The following ANKRD11 variants were observed in gnomAD, a reference collection of about 807,000 sequenced individuals.
ANKRD11 encodes the protein ankyrin repeat domain-containing protein 11.
Under a neutral mutation model 195.7 loss-of-function variants are expected in ANKRD11, and 17 were observed. That is an observed-to-expected ratio of 0.09 (90% CI 0.06 to 0.13). The LOEUF is 0.13. Among genes scored for constraint, ANKRD11 ranks in the 10% least tolerant of loss-of-function variants. The pLI is 1.00. For synonymous variants in ANKRD11, 1,953 were observed against 1,528.1 expected, an observed-to-expected ratio of 1.28 and a Z score of -6.49; for missense variants, 3,735 against 3,566.1, an observed-to-expected ratio of 1.05 and a Z score of -1.21.
intron 4 of ANKRD11, among the ~76,000 whole-genome samples, chr16:89,302,047 G>A (rs192410958): frequency 6.6e-6 from 1 of 152,224 alleles, no homozygotes; most frequent in South Asian, 2.1e-4. Context: ...GACCAGAGAA[G>A]AGTCTCTTGT....
Position 89,328,875 on chromosome 16 carries a change from G to A in ANKRD11, c.-59-11797C>T, listed in dbSNP as rs374274658. 1.8e-4 allele frequency: 21 copies of A among 114,822 alleles called. No individual in the cohort carries two copies. In the East Asian group the frequency reaches 5.6e-3, roughly 31 times the overall value. 7.1% of individuals were successfully genotyped at this position (114,822 alleles called of 1,614,324 possible). ...GGCGAAATCAGTGGAGGCCCCTGCT[G>A]AGTGAGTGGACATACCCAGGAGCAC... is the stretch of plus-strand genomic sequence containing the variant. On this transcript the variant is annotated intron_variant, in intron 2 of 12. Transcript: ENST00000301030.
intron 1 of ANKRD11, among the ~76,000 whole-genome samples, chr16:89,474,170 C>A (rs1429155593): frequency 6.6e-6 from 1 of 152,174 alleles, no homozygotes; most frequent in Non-Finnish European, 1.5e-5. Context: ...CCACTCGAGC[C>A]TCTGATAAGA....
At chr16:89,333,470 T>C (rs2038174188) in intron 2 of ANKRD11, among the ~76,000 whole-genome samples, 1 of 152,230 alleles carries the variant, frequency 6.6e-6, no homozygotes, top group South Asian at 2.1e-4. Context: ...TGTGGTATCA[T>C]ACAGAGTAGT....
At chr16:89,329,526 T>A (rs142589426) in intron 2 of ANKRD11, among the ~76,000 whole-genome samples, 386 of 152,318 alleles carry the variant, frequency 2.5e-3, no homozygotes, top group African/African-American at 8.7e-3. Context: ...GCTGTAAATT[T>A]AAAATGAGTG....
chr16:89,437,559 T>G lies in ANKRD11; in HGVS notation c.-144-19191A>C, dbSNP rs531960161. The stretch of plus-strand genomic sequence containing the variant: ...TGAGCAAACAGTCCTCCAGAGACAG[T>G]CCTCCAGAGCTCTCTCCAACCTGAC... On this transcript the variant is annotated intron_variant, in intron 1 of 12. Coordinates refer to ENST00000301030, the MANE Select transcript of ANKRD11 (RefSeq NM_013275.6). Among the ~76,000 whole-genome samples, 484 of 152,196 alleles carry G rather than the reference T, an allele frequency of 3.2e-3. 3 individuals carry two copies. The highest frequency in any genetic ancestry group is 3.9e-3 in the Non-Finnish European group (267 of 68,006).
chr16:89,462,930 C>A (rs1004092165), intron 1 of ANKRD11, among the ~76,000 whole-genome samples: 5 of 151,716 alleles, frequency 3.3e-5, no homozygotes, highest in African/African-American at 1.2e-4. Flanking sequence ...GCTGCCCCGT[C>A]CGGGAGGGAG....
intron 2 of ANKRD11, chr16:89,321,014 CCAGGGAAGGCA>C (rs1189257916): frequency 6.6e-6 from 1 of 152,398 alleles, no homozygotes; most frequent in South Asian, 2.1e-4. Context: ...CAAGACCGGC[CCAGGGAAGGCA>C]CAGGGCAGGT....
chr16:89,393,046 A>G (rs1249233501), intron 2 of ANKRD11, among the ~76,000 whole-genome samples: 1 of 152,048 alleles, frequency 6.6e-6, no homozygotes, highest in Admixed American at 6.6e-5. Flanking sequence ...TGCAAATGCT[A>G]ACCCTCAGTG....
At chr16:89,450,617 G>C (rs962580220) in intron 1 of ANKRD11, among the ~76,000 whole-genome samples, 1 of 151,990 alleles carries the variant, frequency 6.6e-6, no homozygotes, top group African/African-American at 2.4e-5. Context: ...ATTCTCTTTC[G>C]CTATGCATAC....
rs139167575 is a variant in ANKRD11, at chr16:89,316,305, G to A, written c.87+628C>T. 3.5e-3 allele frequency among the ~76,000 whole-genome samples: 534 copies of A among 152,204 alleles called. 4 individuals are homozygous for A. Among genetic ancestry groups the A allele is most frequent in the Admixed American group, 0.012 (176 of 15,290 alleles). ...CCTGGATCTGTCCAAGTTCACATTCGCTGGGCACACCCCAGAACTCGGCGT... is the reference window on the plus strand; with the variant it reads ...CCTGGATCTGTCCAAGTTCACATTCACTGGGCACACCCCAGAACTCGGCGT... On this transcript the variant is annotated intron_variant, in intron 3 of 12. Transcript: ENST00000301030.
intron 1 of ANKRD11, among the ~76,000 whole-genome samples, chr16:89,469,274 T>C (rs371780383): frequency 1.3e-5 from 2 of 151,942 alleles, no homozygotes; most frequent in African/African-American, 4.8e-5. Flanking sequence ...CAGGCTAGAG[T>C]GCTGTAGCGC....
chr16:89,441,782 A>AAAAAC (rs2043510328), intron 1 of ANKRD11, among the ~76,000 whole-genome samples: 4 of 149,668 alleles, frequency 2.7e-5, no homozygotes, highest in African/African-American at 2.4e-5. Flanking sequence ...AAAAAAAAAA[A>AAAAAC]AAAAAAAAAA....
intron 1 of ANKRD11, among the ~76,000 whole-genome samples, chr16:89,471,505 T>C (rs1567852000): frequency 6.6e-6 from 1 of 151,338 alleles, no homozygotes; most frequent in Non-Finnish European, 1.5e-5. Context: ...TAAGATATGA[T>C]TTCATGACCA....
At chr16:89,294,665 G>T (rs761284527) in intron 4 of ANKRD11, among the ~76,000 whole-genome samples, 2 of 152,172 alleles carry the variant, frequency 1.3e-5, no homozygotes, top group Admixed American at 6.5e-5. Flanking sequence ...CCAACCCAGC[G>T]ACACCATGGT....
intron 4 of ANKRD11, among the ~76,000 whole-genome samples, chr16:89,294,233 G>A (rs150024212): frequency 5.3e-5 from 8 of 152,226 alleles, no homozygotes; most frequent in Admixed American, 2.0e-4. Context: ...CCAGCAATTC[G>A]CATGGAAGGT....
chr16:89,269,994 A>T (rs1047035630), intron 12 of ANKRD11: 1 of 152,296 alleles, frequency 6.6e-6, no homozygotes, highest in Non-Finnish European at 1.5e-5. Flanking sequence ...GGCTCTGGTT[A>T]GGAAGGGCCT....
At chr16:89,439,830 CAG>C (rs2043368943) in intron 1 of ANKRD11, among the ~76,000 whole-genome samples, 1 of 152,330 alleles carries the variant, frequency 6.6e-6, no homozygotes, top group African/African-American at 2.4e-5. Flanking sequence ...TGATCACCAA[CAG>C]AGCCAGCTGT....
At chr16:89,489,225 ACGCGCG>A (rs35997704) in intron 1 of ANKRD11, 23 of 148,928 alleles carry the variant, frequency 1.5e-4, no homozygotes, top group South Asian at 1.2e-3. Flanking sequence ...ACACACACAC[ACGCGCG>A]CGCGCGCGCG....
chr16:89,346,252 A>G (rs1013336210), intron 2 of ANKRD11, among the ~76,000 whole-genome samples: 3 of 137,476 alleles, frequency 2.2e-5, no homozygotes, highest in African/African-American at 8.7e-5. Flanking sequence ...CGTCTCAGGA[A>G]AAAAAAAAAA....
Sources: gnomAD v4.1 joint callset for allele counts (sites outside exome capture counted in the v4.1 genomes callset) on GRCh38, gnomAD v4.1.1 for gene constraint, MANE v1.5 for transcripts, NCBI Gene and HGNC (gene_info 2026-07-23, HGNC 2026-07-21) for gene names.